The following ZSCAN20 variants were observed in gnomAD, a reference collection of about 807,000 sequenced individuals.
ZSCAN20 encodes zinc finger and SCAN domain containing 20.
A neutral mutation model predicts 97.1 loss-of-function variants in ZSCAN20; 39 were observed. The observed-to-expected ratio is 0.40, with a 90% CI of 0.31 to 0.52. The LOEUF (loss-of-function observed/expected upper bound fraction) is 0.52. Among genes scored for constraint, ZSCAN20 ranks in the 20% least tolerant of loss-of-function variants. ZSCAN20 has a pLI of 0.49. For synonymous variants in ZSCAN20, 456 were observed against 467.3 expected (o/e 0.98, Z 0.31); for missense variants, 1,115 against 1,290.4 (o/e 0.86, Z 2.08).
chr1:33,485,714 G>C (rs550680260), intron 2 of ZSCAN20, among the ~76,000 whole-genome samples: 1 of 152,036 alleles, frequency 6.6e-6, no homozygotes, highest in Admixed American at 6.6e-5. Flanking sequence ...TGCCTGGACT[G>C]TCTTTTTTCT....
Position 33,479,395 on chromosome 1 carries a change from T to C in ZSCAN20, c.107T>C (p.Leu36Pro). Residue 36 changes from leucine (L) to proline (P), a missense_variant, in exon 2 of 8, where the codon CTC becomes CCC. By Grantham distance (98) the Leu-to-Pro change is moderately conservative (BLOSUM62 -3). This residue lies in a region of ZSCAN20 where 508 missense variants were observed against 611.2 expected (regional missense o/e 0.83). Transcript: ENST00000684572. Reference protein sequence around the residue: ...EEDSWGSESKLWEKDRGSVSG... With the variant: ...EEDSWGSESKPWEKDRGSVSG... Reference sequence around the variant, plus strand: ...GACTCTTGGGGATCAGAATCCAAACTCTGGGAGAAGGACCGTGGCTCTGTC... The same window carrying C: ...GACTCTTGGGGATCAGAATCCAAACCCTGGGAGAAGGACCGTGGCTCTGTC... 6.8e-6 allele frequency: 11 copies of C among 1,614,190 alleles called. No homozygotes were observed. Among genetic ancestry groups the C allele is most frequent in the Non-Finnish European group, 9.3e-6 (11 of 1,180,028 alleles).
chr1:33,479,558 C>A lies in ZSCAN20; in HGVS notation c.270C>A (p.Ile90=). 1.2e-6 allele frequency: 2 copies of A among 1,613,892 alleles called. No homozygotes were observed. Among genetic ancestry groups the A allele is most frequent in the Non-Finnish European group, 1.7e-6 (2 of 1,179,836 alleles). Residue 90 remains isoleucine, a synonymous_variant, in exon 2 of 8, where the codon ATC becomes ATA. Coordinates refer to ENST00000684572, the MANE Select transcript of ZSCAN20 (RefSeq NM_001377376.1). Reference sequence around the variant, plus strand: ...CGGAGATCCGTCTCAAAGAGCAGATCCTGGAGCTGCTCGTGCTGGAGCAGT... The same window carrying A: ...CGGAGATCCGTCTCAAAGAGCAGATACTGGAGCTGCTCGTGCTGGAGCAGT... ...LRPEIRLKEQ[I]LELLVLEQFL...
chr1:33,480,447 G>T (rs1652111756), intron 2 of ZSCAN20, among the ~76,000 whole-genome samples: 2 of 152,214 alleles, frequency 1.3e-5, no homozygotes, highest in Non-Finnish European at 2.9e-5. Flanking sequence ...CAAGGTCATT[G>T]TTCTTTCTAC....
In ZSCAN20 at chr1:33,494,918, G is replaced by T; in HGVS notation, c.2574G>T (p.Lys858Asn). 6.2e-7 allele frequency: 1 copy of T among 1,614,196 alleles called. No homozygotes were observed. The highest frequency in any genetic ancestry group is 8.5e-7 in the Non-Finnish European group (1 of 1,180,042). The change falls in exon 8 of 8, where the codon AAG (lysine) becomes AAT (asparagine). Residue 858 changes from lysine to asparagine, a missense_variant. Physicochemically the swap from Lys to Asn is moderately conservative, Grantham distance 94 (BLOSUM62 0). Around this residue, in one of 3 missense-constraint regions of ZSCAN20, gnomAD observed 554 missense variants for 584.9 expected, o/e 0.95. Coordinates refer to ENST00000684572, the MANE Select transcript of ZSCAN20 (RefSeq NM_001377376.1). ...TAPEQPQSIS[K>N]DLNSPGPHST... The stretch of plus-strand genomic sequence containing the variant: ...CTGAACAACCTCAAAGTATCAGTAA[G>T]GACTTGAATTCTCCTGGACCACACA...
In ZSCAN20 at chr1:33,494,878, C is replaced by G; in HGVS notation, c.2534C>G (p.Thr845Arg). ...PSFSAHWRNS[T>R]EETAPEQPQS... is the part of the protein sequence containing the mutation. Reference sequence around the variant, plus strand: ...TTTAGTGCTCACTGGAGGAATTCTACAGAAGAGACAGCTCCTGAACAACCT... The same window carrying G: ...TTTAGTGCTCACTGGAGGAATTCTAGAGAAGAGACAGCTCCTGAACAACCT... Residue 845 changes from threonine to arginine, a missense_variant, in exon 8 of 8, where the codon ACA becomes AGA. Physicochemically the swap from Thr to Arg is moderately conservative, Grantham distance 71. Around this residue, in one of 3 missense-constraint regions of ZSCAN20, gnomAD observed 554 missense variants for 584.9 expected, o/e 0.95. Coordinates refer to ENST00000684572, the MANE Select transcript of ZSCAN20 (RefSeq NM_001377376.1). The G allele has an allele frequency of 6.2e-7, 1 of 1,614,184 alleles. No individual in the cohort carries two copies. The highest frequency in any genetic ancestry group is 8.5e-7 in the Non-Finnish European group (1 of 1,180,038).
intron 1 of ZSCAN20, among the ~76,000 whole-genome samples, chr1:33,477,269 G>C (rs1012080098): frequency 3.9e-5 from 6 of 152,138 alleles, no homozygotes; most frequent in African/African-American, 1.4e-4. Context: ...AGCATATGGA[G>C]GCCTTTAGGG....
chr1:33,488,759 G>T (rs1652472509), intron 3 of ZSCAN20, 108 bp downstream of exon 3: 2 of 1,230,406 alleles, frequency 1.6e-6, no homozygotes, highest in East Asian at 2.5e-5. Context: ...CAAAGCAAGG[G>T]ATAGGCTGCA....
rs1376092732 is a variant in ZSCAN20 at position 33,494,402 on chromosome 1, A to G, written c.2058A>G (p.Gln686=). 1 of 1,613,970 alleles carries G rather than the reference A, an allele frequency of 6.2e-7. No individual in the cohort carries two copies. The part of the protein sequence containing the change: ...QWGNPSQEQW[Q]ESSSEEDLEK... ...GAAATCCCTCACAGGAACAGTGGCA[A>G]GAAAGTTCTTCTGAAGAGGACTTAG... Residue 686 remains glutamine (Q), a synonymous_variant, in exon 8 of 8, where the codon CAA becomes CAG. Coordinates refer to ENST00000684572, the MANE Select transcript of ZSCAN20 (RefSeq NM_001377376.1).
chr1:33,480,706 C>T (rs748827172), intron 2 of ZSCAN20, among the ~76,000 whole-genome samples: 4 of 152,126 alleles, frequency 2.6e-5, no homozygotes, highest in African/African-American at 7.2e-5. Flanking sequence ...TATATAACTA[C>T]GTGATAGAGC....
chr1:33,497,410 G>A lies in ZSCAN20; in HGVS notation c.*1934G>A, dbSNP rs1490159687. Among the ~76,000 whole-genome samples the A allele has an allele frequency of 6.6e-6, 1 of 152,180 alleles. No individual in the cohort carries two copies. Among genetic ancestry groups the A allele is most frequent in the South Asian group, 2.1e-4 (1 of 4,838 alleles). On this transcript the variant is annotated 3_prime_UTR_variant, in exon 8 of 8. Transcript: ENST00000684572. ...CTGAGAGGAAGGATCCTGAGGTGAG[G>A]GAGAGGGAGGGAATTCCAGGGAAAG...
intron 1 of ZSCAN20, among the ~76,000 whole-genome samples, chr1:33,473,508 C>T (rs1019445926): frequency 7.9e-5 from 12 of 152,022 alleles, no homozygotes; most frequent in African/African-American, 2.7e-4. Flanking sequence ...TCATAAACTC[C>T]TTTTGCAGCC....
Position 33,496,803 on chromosome 1 carries a change from A to G in ZSCAN20, c.*1327A>G, listed in dbSNP as rs926321399. Among the ~76,000 whole-genome samples, 1 of 152,058 alleles carries G rather than the reference A, an allele frequency of 6.6e-6. No individual in the cohort carries two copies. Among genetic ancestry groups the G allele is most frequent in the Admixed American group, 6.6e-5 (1 of 15,264 alleles). ...TTCTGTGTACCAGGTTCTTGGCACA[A>G]TTTTACCCTGAGCCATCCTGTCCCA... is the stretch of plus-strand genomic sequence containing the variant. On this transcript the variant is annotated 3_prime_UTR_variant, in exon 8 of 8. Coordinates refer to ENST00000684572, the MANE Select transcript of ZSCAN20 (RefSeq NM_001377376.1).
chr1:33,491,033 G>T lies in ZSCAN20; in HGVS notation c.775G>T (p.Val259Phe), dbSNP rs370475627. The change falls in exon 6 of 8, where the codon GTT becomes TTT. Residue 259 changes from valine to phenylalanine, a missense_variant. Coordinates refer to ENST00000684572, the MANE Select transcript of ZSCAN20 (RefSeq NM_001377376.1). This position sits in a 1 kb window ranked among gnomAD's most constrained non-coding sequence, Gnocchi z 4.3. The part of the protein sequence containing the change: ...CGNSVCLGVP[V>F]SKPSNTSEKE... ...TTCTCTTCCTTTTGTAGGAGTTCCA[G>T]TTTCAAAACCAAGTAATACCTCCGA... 9.3e-5 allele frequency: 148 copies of T among 1,597,200 alleles called. No individual in the cohort carries two copies. The African/African-American group carries it at 1.5e-3, about 16-fold the overall frequency.
intron 2 of ZSCAN20, among the ~76,000 whole-genome samples, chr1:33,483,822 C>T (rs930492238): frequency 4.6e-5 from 7 of 152,222 alleles, no homozygotes; most frequent in African/African-American, 1.7e-4. Context: ...TACAGTGAGC[C>T]TTTCTATCTG....
Position 33,495,962 on chromosome 1 carries a change from A to C in ZSCAN20, c.*486A>C, listed in dbSNP as rs958140034. Reference sequence around the variant, plus strand: ...GAGCAGGCCACTGTGAGCTCAGCACAGAGTAGGAAGAACAGTGACATCATT... The same window carrying C: ...GAGCAGGCCACTGTGAGCTCAGCACCGAGTAGGAAGAACAGTGACATCATT... On this transcript the variant is annotated 3_prime_UTR_variant, in exon 8 of 8. Transcript: ENST00000684572. The C allele has an allele frequency of 2.0e-5, 3 of 153,108 alleles. No individual in the cohort carries two copies. Among genetic ancestry groups the C allele is most frequent in the South Asian group, 2.1e-4 (1 of 4,838 alleles). 9.5% of individuals were successfully genotyped at this position (153,108 alleles called of 1,614,324 possible). A position where few individuals can be genotyped will look rare whatever the true frequency, so the allele number is the denominator to read the frequency against.
chr1:33,487,194 A>G (rs911614164), intron 2 of ZSCAN20, among the ~76,000 whole-genome samples: 2 of 152,174 alleles, frequency 1.3e-5, no homozygotes, highest in Non-Finnish European at 2.9e-5. Context: ...ATGAAGATGG[A>G]TGGAGGTGGG....
intron 1 of ZSCAN20, among the ~76,000 whole-genome samples, chr1:33,477,978 T>C (rs1651999568): frequency 6.6e-6 from 1 of 152,022 alleles, no homozygotes; most frequent in South Asian, 2.1e-4. Flanking sequence ...GAGGAGACCA[T>C]TCCCAAAGGA....
chr1:33,481,741 G>A (rs1422112700), intron 2 of ZSCAN20, among the ~76,000 whole-genome samples: 2 of 152,102 alleles, frequency 1.3e-5, no homozygotes, highest in Non-Finnish European at 2.9e-5. Context: ...TGGCCCCTAA[G>A]GTAATTTCCT....
At chr1:33,477,882 C>T (rs535222742) in intron 1 of ZSCAN20, among the ~76,000 whole-genome samples, 7 of 151,522 alleles carry the variant, frequency 4.6e-5, no homozygotes, top group East Asian at 1.9e-4. Context: ...AGCTTGTGGT[C>T]GAGGACTGAA....
Sources: allele counts gnomAD v4.1 joint callset (sites outside exome capture counted in the v4.1 genomes callset), GRCh38; gene constraint gnomAD v4.1.1; regional missense constraint gnomAD v4.1.1; non-coding constraint Gnocchi (gnomAD v3.1); transcripts MANE v1.5; gene names NCBI Gene and HGNC (gene_info 2026-07-23, HGNC 2026-07-21).